The following PASD1 variants were observed in gnomAD, a reference collection of about 807,000 sequenced individuals.
PASD1 encodes the protein circadian clock protein PASD1.
Under a neutral mutation model 58.8 loss-of-function variants are expected in PASD1, and 13 were observed. The ratio of observed to expected loss-of-function variants is 0.22; its 90% CI spans 0.14 to 0.35. The LOEUF is 0.35. PASD1 is among the 10% of genes least tolerant of loss of function. The pLI, the probability that PASD1 is intolerant of heterozygous loss-of-function variation, is 1.00. For synonymous variants in PASD1, 236 were observed against 216.7 expected, an observed-to-expected ratio of 1.09 and a Z score of -0.78; for missense variants, 734 against 568.3, an observed-to-expected ratio of 1.29 and a Z score of -2.96.
In PASD1 at chrX:151,671,188, C is replaced by T; in HGVS notation, c.1222C>T (p.His408Tyr). ...QQNALELMMD[H>Y]LQKQPNTLRH... is the part of the protein sequence containing the mutation. Reference sequence around the variant, plus strand: ...GAATGCATTGGAATTGATGATGGATCACCTTCAGGTCAGTCAGGATGCTAG... The same window carrying T: ...GAATGCATTGGAATTGATGATGGATTACCTTCAGGTCAGTCAGGATGCTAG... Residue 408 changes from histidine to tyrosine, a missense_variant, in exon 12 of 16, where the codon CAC (histidine) becomes TAC (tyrosine). His to Tyr is a moderately conservative substitution (Grantham distance 83). Transcript: ENST00000370357. The T allele has an allele frequency of 4.1e-6, 5 of 1,210,738 alleles. No individual in the cohort carries two copies. The highest frequency in any genetic ancestry group is 5.6e-6 in the Non-Finnish European group (5 of 895,094).
chrX:151,647,982 C>T (rs764306209), intron 8 of PASD1, among the ~76,000 whole-genome samples: 1 of 111,040 alleles, frequency 9.0e-6, no homozygotes, highest in South Asian at 3.8e-4. Context: ...AGGGGCTTTT[C>T]TAAAGAAAAA....
intron 10 of PASD1, among the ~76,000 whole-genome samples, chrX:151,660,900 T>A (rs1417509441): frequency 8.9e-6 from 1 of 112,254 alleles, no homozygotes; most frequent in Non-Finnish European, 1.9e-5. Context: ...ATGCCTGTAA[T>A]CCCAGCACTT....
At chrX:151,662,137 T>C (rs909005186) in intron 10 of PASD1, among the ~76,000 whole-genome samples, 4 of 112,613 alleles carry the variant, frequency 3.6e-5, no homozygotes, top group African/African-American at 1.3e-4. Context: ...GCCAATTTTT[T>C]ATTTCCCTCG....
At chrX:151,566,227 A>G (rs1452726994) in intron 1 of PASD1, among the ~76,000 whole-genome samples, 1 of 112,279 alleles carries the variant, frequency 8.9e-6, no homozygotes, top group Non-Finnish European at 1.9e-5. Context: ...CAAACAAATT[A>G]TTATATCCCA....
Position 151,622,962 on chromosome X carries a change from G to C in PASD1, c.444G>C (p.Leu148Phe). 7 of 1,197,923 alleles carry C rather than the reference G, an allele frequency of 5.8e-6. No homozygotes were observed. Among genetic ancestry groups the C allele is most frequent in the Non-Finnish European group, 6.7e-6 (6 of 889,266 alleles). Residue 148 changes from leucine (L) to phenylalanine (F), a missense_variant, in exon 7 of 16, where the codon TTG (leucine) becomes TTC (phenylalanine). Leu to Phe is a conservative substitution (Grantham distance 22). Transcript: ENST00000370357. ...CNEFPVVFSG[L>F]FSSHLCADFA... ...AGTTTCCTGTGGTCTTTAGTGGCTT[G>C]TTTTCCAGCCACCTCTGTGCTGACT...
chrX:151,643,233 G>A (rs2014018549), intron 8 of PASD1, among the ~76,000 whole-genome samples: 1 of 111,916 alleles, frequency 8.9e-6, no homozygotes, highest in African/African-American at 3.3e-5. Flanking sequence ...GATTGACTTG[G>A]GAAGTTGGTA....
At chrX:151,627,005 G>A (rs113209059) in intron 8 of PASD1, among the ~76,000 whole-genome samples, 141 of 111,306 alleles carry the variant, frequency 1.3e-3, no homozygotes, top group African/African-American at 4.3e-3. Flanking sequence ...ATGGTGGCTA[G>A]CTATTTACAT....
At chrX:151,658,544 G>A (rs1338929035) in intron 9 of PASD1, among the ~76,000 whole-genome samples, 2 of 112,382 alleles carry the variant, frequency 1.8e-5, no homozygotes, top group Non-Finnish European at 3.8e-5. Context: ...AAGAACAGAA[G>A]GAAGAGGAAA....
At chrX:151,579,045 A>G (rs1466435219) in intron 1 of PASD1, among the ~76,000 whole-genome samples, 1 of 112,285 alleles carries the variant, frequency 8.9e-6, no homozygotes, top group African/African-American at 3.2e-5. Flanking sequence ...AGTTTGACAA[A>G]TTAACTTTTC....
At chrX:151,668,969 A>T (rs1204457779) in intron 11 of PASD1, among the ~76,000 whole-genome samples, 1 of 106,843 alleles carries the variant, frequency 9.4e-6, no homozygotes, top group Non-Finnish European at 1.9e-5. Flanking sequence ...GGCTGGTCTC[A>T]AGCCTCAAGC....
At chrX:151,616,088 A>G (rs181864356) in intron 4 of PASD1, among the ~76,000 whole-genome samples, 1 of 112,162 alleles carries the variant, frequency 8.9e-6, no homozygotes, top group Non-Finnish European at 1.9e-5. Context: ...AGAGATGATA[A>G]AGTCAGAGCA....
intron 1 of PASD1, among the ~76,000 whole-genome samples, chrX:151,585,037 T>C (rs1266396538): frequency 8.9e-6 from 1 of 111,782 alleles, no homozygotes; most frequent in Non-Finnish European, 1.9e-5. Context: ...GTTCTAGATG[T>C]TTTAGGATAT....
chrX:151,654,060 C>T (rs1034704343), intron 9 of PASD1, among the ~76,000 whole-genome samples: 4 of 103,086 alleles, frequency 3.9e-5, no homozygotes, highest in African/African-American at 1.4e-4. Flanking sequence ...ACTTCTGCTT[C>T]CCAGGCTCAA....
At chrX:151,640,670 T>C (rs1489602615) in intron 8 of PASD1, among the ~76,000 whole-genome samples, 2 of 111,783 alleles carry the variant, frequency 1.8e-5, no homozygotes, top group Admixed American at 9.5e-5. Flanking sequence ...TCCACAAATA[T>C]ATGATGGGGA....
chrX:151,633,292 G>A (rs1384334587), intron 8 of PASD1, among the ~76,000 whole-genome samples: 2 of 110,980 alleles, frequency 1.8e-5, no homozygotes, highest in Admixed American at 1.9e-4. Context: ...GCCACATACA[G>A]CCAGATGACT....
At position 151,563,679 on chromosome X, in the gene PASD1, T is replaced by C. The variant is rs2012779325; in HGVS notation, c.-188T>C. 2 of 111,400 alleles carry C rather than the reference T, an allele frequency of 1.8e-5. No individual in the cohort carries two copies. Among genetic ancestry groups the C allele is most frequent in the South Asian group, 3.8e-4 (1 of 2,606 alleles). The allele number at this position is 111,400 out of a possible 1,213,427, so 9.2% of individuals were successfully genotyped here. A position where few individuals can be genotyped will look rare whatever the true frequency, so the allele number is the denominator to read the frequency against. ...CACGCCCCCACCACGCGCTTTGCACTCTGGGGCCCACGCACTTCCCTGAAG... is the reference window on the plus strand; with the variant it reads ...CACGCCCCCACCACGCGCTTTGCACCCTGGGGCCCACGCACTTCCCTGAAG... On this transcript the variant is annotated 5_prime_UTR_variant, in exon 1 of 16. Transcript: ENST00000370357.
chrX:151,635,677 T>C (rs1042626119), intron 8 of PASD1, among the ~76,000 whole-genome samples: 5 of 112,124 alleles, frequency 4.5e-5, no homozygotes, highest in African/African-American at 1.6e-4. Context: ...AAATTGAGTT[T>C]AATAGTATTT....
Position 151,648,709 on chromosome X carries a change from A to G in PASD1, c.717+7A>G, listed in dbSNP as rs1306211179. 13 of 1,206,374 alleles carry G rather than the reference A, an allele frequency of 1.1e-5. No individual in the cohort carries two copies. Among genetic ancestry groups the G allele is most frequent in the Non-Finnish European group, 1.5e-5 (13 of 892,983 alleles). On this transcript the variant is annotated splice_region_variant and intron_variant, in intron 9 of 15. Coordinates refer to ENST00000370357, the MANE Select transcript of PASD1 (RefSeq NM_173493.3). ...TGCTGCTGCTATCTCAGACGTATGT[A>G]CATTGAGGACCATAGACTACAATCT...
At chrX:151,594,050 T>G (rs1454612669) in intron 1 of PASD1, among the ~76,000 whole-genome samples, 1 of 111,403 alleles carries the variant, frequency 9.0e-6, no homozygotes, top group Non-Finnish European at 1.9e-5. Context: ...CTCGGCTCAC[T>G]GCAATCTCGG....
Sources: gnomAD v4.1 joint callset for allele counts (sites outside exome capture counted in the v4.1 genomes callset) on GRCh38, gnomAD v4.1.1 for gene constraint, MANE v1.5 for transcripts, NCBI Gene and HGNC (gene_info 2026-07-23, HGNC 2026-07-21) for gene names.